Variants in USP18 observed in about 807,000 individuals in gnomAD.
USP18 encodes the protein ubiquitin specific peptidase 18.
USP18 carries 11 observed loss-of-function variants against 48.7 expected under a neutral mutation model. The observed-to-expected ratio is 0.23, with a 90% CI of 0.14 to 0.37. The LOEUF (loss-of-function observed/expected upper bound fraction) is 0.37, where lower values mean the gene tolerates loss of function less well. Among genes scored for constraint, USP18 ranks in the 10% least tolerant of loss-of-function variants. USP18 has a pLI of 1.00. For missense variants in USP18, 285 were observed against 436.4 expected, an observed-to-expected ratio of 0.65 and a Z score of 3.09; for synonymous variants, 114 against 163.2, an observed-to-expected ratio of 0.70 and a Z score of 2.30.
chr22:18,172,386 A>G (rs752134403), intron 8 of USP18, among the ~76,000 whole-genome samples: 44 of 152,234 alleles, frequency 2.9e-4, no homozygotes, highest in Non-Finnish European at 5.9e-4. Flanking sequence ...CCTTAATAGC[A>G]TCAAATATCT....
chr22:18,167,991 C>T lies in USP18; in HGVS notation c.582C>T (p.Leu194=). ...ESSRNSSMLT[L]PLSLFDVDSK... Reference sequence around the variant, plus strand: ...GCAGAAACAGCAGCATGCTCACCCTCCCACTTTCTCTTTTTGATGTGGACT... The same window carrying T: ...GCAGAAACAGCAGCATGCTCACCCTTCCACTTTCTCTTTTTGATGTGGACT... Residue 194 remains leucine (L), a synonymous_variant, in exon 6 of 11, where the codon CTC becomes CTT. Transcript: ENST00000215794. The T allele has an allele frequency of 1.2e-6, 2 of 1,614,190 alleles. No individual in the cohort carries two copies. The highest frequency in any genetic ancestry group is 8.5e-7 in the Non-Finnish European group (1 of 1,180,038).
intron 1 of USP18, among the ~76,000 whole-genome samples, chr22:18,152,714 C>T (rs1929030880): frequency 6.6e-6 from 1 of 152,086 alleles, no homozygotes; most frequent in African/African-American, 2.4e-5. Context: ...CCCCATCCTC[C>T]TTAGACCTTT....
At chr22:18,171,345 A>G (rs1184568618) in intron 8 of USP18, among the ~76,000 whole-genome samples, 1 of 134,060 alleles carries the variant, frequency 7.5e-6, no homozygotes. Context: ...AAAAAGAGAC[A>G]CAAGGCCAGG....
At chr22:18,160,103 C>T (rs1929286730) in intron 2 of USP18, 69 bp from the exon 3 acceptor site, 4 of 1,479,824 alleles carry the variant, frequency 2.7e-6, no homozygotes, top group Non-Finnish European at 2.8e-6. Flanking sequence ...CATGAGCCAC[C>T]ATGCCCAGCC....
chr22:18,173,860 G>T lies in USP18; in HGVS notation c.1073+18G>T, dbSNP rs759689474. 2.9e-5 allele frequency: 46 copies of T among 1,588,974 alleles called. No homozygotes were observed. In the South Asian group the frequency reaches 4.9e-4, roughly 17 times the overall value. ...TACCACTGGTAAGAAACAGATTTGG[G>T]TAATTGGAGTCTGATGAGCTCACAT... On this transcript the variant is annotated intron_variant, in intron 10 of 10. Transcript: ENST00000215794.
At chr22:18,154,980 T>C (rs1929090488) in intron 1 of USP18, among the ~76,000 whole-genome samples, 1 of 152,170 alleles carries the variant, frequency 6.6e-6, no homozygotes, top group South Asian at 2.1e-4. Flanking sequence ...GCTTCAGCTG[T>C]TGTAGTGCTG....
intron 1 of USP18, among the ~76,000 whole-genome samples, chr22:18,151,635 G>A (rs1366670560): frequency 6.6e-6 from 1 of 151,848 alleles, no homozygotes; most frequent in Non-Finnish European, 1.5e-5. Context: ...AAGAAGGTAA[G>A]TCCTAGTTTT....
intron 4 of USP18, among the ~76,000 whole-genome samples, chr22:18,166,502 G>T (rs550615829): frequency 6.5e-4 from 99 of 151,904 alleles, no homozygotes; most frequent in African/African-American, 2.3e-3. Context: ...TGTAGGTCTT[G>T]TCTCTTTTGT....
chr22:18,165,779 C>T (rs1051504094), intron 4 of USP18, among the ~76,000 whole-genome samples: 3 of 149,692 alleles, frequency 2.0e-5, no homozygotes, highest in Admixed American at 6.7e-5. Context: ...TTGTCTTTCA[C>T]CCACTAGGAA....
At chr22:18,172,585 G>A (rs920456725) in intron 8 of USP18, among the ~76,000 whole-genome samples, 3 of 151,242 alleles carry the variant, frequency 2.0e-5, no homozygotes, top group African/African-American at 7.3e-5. Context: ...AGCACTGGCT[G>A]GTTGATATCT....
chr22:18,159,672 A>ATT (rs34386839), intron 2 of USP18, among the ~76,000 whole-genome samples: 1,075 of 76,904 alleles, frequency 0.014, 72 homozygotes, highest in African/African-American at 0.055. Flanking sequence ...TGATTTTTGG[A>ATT]TTTTTTTTTT....
chr22:18,160,767 C>CTTTTT (rs951642767), intron 3 of USP18, among the ~76,000 whole-genome samples: 1 of 114,456 alleles, frequency 8.7e-6, no homozygotes, highest in Admixed American at 9.4e-5. Flanking sequence ...AGTATTGGTA[C>CTTTTT]TTTTTTTTTT....
At chr22:18,159,553 A>G (rs1007169235) in intron 2 of USP18, among the ~76,000 whole-genome samples, 1 of 150,056 alleles carries the variant, frequency 6.7e-6, no homozygotes, top group Non-Finnish European at 1.5e-5. Flanking sequence ...GCTGGAGTGC[A>G]GTGGCATGAT....
chr22:18,162,000 A>C (rs1444954839), intron 4 of USP18, 65 bp downstream of exon 4: 2 of 1,531,278 alleles, frequency 1.3e-6, no homozygotes, highest in Non-Finnish European at 1.8e-6. Context: ...TTAGAGAGTG[A>C]AGAGAGGAAC....
chr22:18,172,313 A>C (rs1048170858), intron 8 of USP18, among the ~76,000 whole-genome samples: 1 of 152,174 alleles, frequency 6.6e-6, no homozygotes, highest in African/African-American at 2.4e-5. Context: ...TCATTTATAA[A>C]CACTTCATTA....
At chr22:18,174,916 T>C (rs1174909427) in intron 10 of USP18, among the ~76,000 whole-genome samples, 2 of 152,004 alleles carry the variant, frequency 1.3e-5, no homozygotes, top group Non-Finnish European at 2.9e-5. Context: ...TTTTTGTTTG[T>C]TTGTTTGTTT....
In USP18 at chr22:18,158,352, A is replaced by C. The variant is rs375839607; in HGVS notation, c.157+532A>C. On this transcript the variant is annotated intron_variant, in intron 2 of 10. Transcript: ENST00000215794. ...AGCACATAGGGTTGTTGGGAGGATT[A>C]AATGGGGTCATCTGTGGAAACTGCT... Among the ~76,000 whole-genome samples the C allele has an allele frequency of 5.9e-5, 9 of 152,320 alleles. No homozygotes were observed. The East Asian group carries it at 1.4e-3, about 23-fold the overall frequency.
chr22:18,152,208 C>T (rs1432978381), intron 1 of USP18, among the ~76,000 whole-genome samples: 1 of 152,088 alleles, frequency 6.6e-6, no homozygotes, highest in African/African-American at 2.4e-5. Flanking sequence ...TAATTTTGTT[C>T]CTTTTAGGGC....
chr22:18,173,560 T>A (rs5993038), intron 9 of USP18, among the ~76,000 whole-genome samples: 5,399 of 151,882 alleles, frequency 0.036, 304 homozygotes, highest in African/African-American at 0.12. Flanking sequence ...GAGCAACGAG[T>A]GTTAGAAATA....
Sources: gnomAD v4.1 joint callset for allele counts (sites outside exome capture counted in the v4.1 genomes callset) on GRCh38, gnomAD v4.1.1 for gene constraint, MANE v1.5 for transcripts, NCBI Gene and HGNC (gene_info 2026-07-23, HGNC 2026-07-21) for gene names.